DGKH: variants seen among roughly 807,000 people sequenced by gnomAD.
DGKH encodes the protein DAG kinase eta.
Under a neutral mutation model 159.3 loss-of-function variants are expected in DGKH, and 90 were observed. The ratio of observed to expected loss-of-function variants is 0.57; its 90% CI spans 0.48 to 0.67. The LOEUF (loss-of-function observed/expected upper bound fraction) is 0.67, where lower values mean the gene tolerates loss of function less well. Ranked by LOEUF, DGKH falls within the 30% of genes least tolerant of loss-of-function variation. The pLI is 0.00. For missense variants in DGKH, 1,181 were observed against 1,506.1 expected (o/e 0.78, Z 3.57); for synonymous variants, 536 against 553.8 (o/e 0.97, Z 0.45).
chr13:42,149,829 C>T (rs1955831388), intron 3 of DGKH, among the ~76,000 whole-genome samples: 1 of 152,108 alleles, frequency 6.6e-6, no homozygotes. Flanking sequence ...AAAGGGGAGA[C>T]CTTAGATAAA....
intron 16 of DGKH, 133 bp downstream of exon 16, chr13:42,190,658 C>A (rs896619813): frequency 4.1e-5 from 34 of 824,190 alleles, no homozygotes; most frequent in Non-Finnish European, 8.9e-6. Context: ...GAAGTTAAAG[C>A]TTAGATAAAT....
intron 26 of DGKH, among the ~76,000 whole-genome samples, chr13:42,217,405 A>AT (rs1034284640): frequency 4.7e-3 from 700 of 147,508 alleles, no homozygotes; most frequent in African/African-American, 0.015. Flanking sequence ...ATGCCTGGCA[A>AT]TTTTTTTTTT....
At chr13:42,145,241 A>G (rs1338360376) in intron 3 of DGKH, among the ~76,000 whole-genome samples, 1 of 152,224 alleles carries the variant, frequency 6.6e-6, no homozygotes, top group East Asian at 1.9e-4. Flanking sequence ...GTAGGTTTGT[A>G]CTTAAGAGAG....
chr13:42,194,748 G>A (rs1162932933), intron 16 of DGKH, 137 bp from the exon 17 acceptor site: 1 of 1,020,068 alleles, frequency 9.8e-7, no homozygotes, highest in East Asian at 2.8e-5. Context: ...TCAAGAAAAT[G>A]TAAACGATAG....
chr13:42,109,598 G>A (rs972319603), intron 1 of DGKH, among the ~76,000 whole-genome samples: 4 of 152,160 alleles, frequency 2.6e-5, no homozygotes, highest in Non-Finnish European at 5.9e-5. Context: ...AGGGATGCAA[G>A]AAAATGCTGT....
chr13:42,212,594 C>G (rs957527760), intron 24 of DGKH, among the ~76,000 whole-genome samples: 2 of 152,224 alleles, frequency 1.3e-5, no homozygotes, highest in African/African-American at 2.4e-5. Flanking sequence ...AGGCTTGCTT[C>G]TGGTCAACGT....
intron 29 of DGKH, among the ~76,000 whole-genome samples, chr13:42,224,029 TAATG>T (rs1958055314): frequency 1.3e-5 from 2 of 152,194 alleles, no homozygotes; most frequent in Non-Finnish European, 2.9e-5. Context: ...TCATTTAAGA[TAATG>T]ACCTCAAGTT....
rs142428153 is a variant in DGKH at position 42,155,993 on chromosome 13, A to G, written c.622+194A>G. Reference sequence around the variant, plus strand: ...AAATACAGCATTTCACCCCCAAGAAACTAGGAACTACTGTCTAAAAAAAAA... The same window carrying G: ...AAATACAGCATTTCACCCCCAAGAAGCTAGGAACTACTGTCTAAAAAAAAA... On this transcript the variant is annotated intron_variant, in intron 5 of 29. Coordinates refer to ENST00000337343, the MANE Select transcript of DGKH (RefSeq NM_178009.5). Among the ~76,000 whole-genome samples, 26 of 151,114 alleles carry G rather than the reference A, an allele frequency of 1.7e-4. 1 individual carries two copies. The East Asian group carries it at 4.8e-3, about 28-fold the overall frequency.
intron 1 of DGKH, among the ~76,000 whole-genome samples, chr13:42,097,481 T>C (rs1321436920): frequency 6.6e-6 from 1 of 152,192 alleles, no homozygotes; most frequent in African/African-American, 2.4e-5. Flanking sequence ...GTTATCAGCA[T>C]TTTTTAACTC....
chr13:42,068,892 C>A, intron 1 of DGKH: 2 of 1,006,894 alleles, frequency 2.0e-6, no homozygotes, highest in South Asian at 2.9e-5. Context: ...AGACAAAATA[C>A]ATTTCATAAG....
chr13:42,244,278 A>G (rs1047750680), downstream of DGKH, among the ~76,000 whole-genome samples: 2 of 152,106 alleles, frequency 1.3e-5, no homozygotes, highest in Non-Finnish European at 2.9e-5. Flanking sequence ...GGAACTTAGA[A>G]AAGGAGCCCC....
Position 42,206,159 on chromosome 13 carries a change from A to G in DGKH, c.2601+13A>G, listed in dbSNP as rs368454516. 4.6e-4 allele frequency: 637 copies of G among 1,373,542 alleles called. No individual in the cohort carries two copies. The highest frequency in any genetic ancestry group is 7.7e-4 in the Middle Eastern group (4 of 5,188). The allele number at this position is 1,373,542 out of a possible 1,614,324, so 85.1% of individuals were successfully genotyped here. ...TAAAGAGGATGATGTAAGTAATGGG[A>G]GTAAATAGTTTGTTTCCTCAAAAAT... On this transcript the variant is annotated intron_variant, in intron 21 of 29. Coordinates refer to ENST00000337343, the MANE Select transcript of DGKH (RefSeq NM_178009.5).
At chr13:42,247,380 G>A (rs554106337), downstream of DGKH, among the ~76,000 whole-genome samples, 3 of 151,856 alleles carry the variant, frequency 2.0e-5, no homozygotes, top group Non-Finnish European at 2.9e-5. Context: ...ACCAGTGTGC[G>A]CCACCATGCC....
At chr13:42,209,178 C>A in intron 22 of DGKH, 106 bp downstream of exon 22, 1 of 1,358,036 alleles carries the variant, frequency 7.4e-7, no homozygotes, top group Non-Finnish European at 1.0e-6. Flanking sequence ...AATATTCTGA[C>A]TTTGTTGTCA....
intron 1 of DGKH, among the ~76,000 whole-genome samples, chr13:42,074,879 G>T (rs1254757110): frequency 2.0e-5 from 3 of 152,284 alleles, no homozygotes; most frequent in African/African-American, 7.2e-5. Context: ...TGGAAAAATA[G>T]AATTGGAATT....
intron 1 of DGKH, among the ~76,000 whole-genome samples, chr13:42,076,014 T>C (rs1171471967): frequency 6.6e-6 from 1 of 152,228 alleles, no homozygotes; most frequent in East Asian, 1.9e-4. Context: ...AATGTGATTC[T>C]ACTTTCCATT....
In DGKH at chr13:42,155,730, C is replaced by A. The variant is rs1956027084; in HGVS notation, c.553C>A (p.Arg185=). Residue 185 remains arginine, a synonymous_variant, in exon 5 of 30, where the codon CGA becomes AGA. Transcript: ENST00000337343. ...CAACTGGTACGCCTGCTCCCACGCC[C>A]GACCCACCTTCTGTAACGTGTGCAG... ...MHNWYACSHA[R]PTFCNVCRES... 1.9e-6 allele frequency: 3 copies of A among 1,614,088 alleles called. No homozygotes were observed. Among genetic ancestry groups the A allele is most frequent in the Non-Finnish European group, 2.5e-6 (3 of 1,180,014 alleles).
intron 1 of DGKH, among the ~76,000 whole-genome samples, chr13:42,121,474 G>T (rs1270823116): frequency 6.6e-6 from 1 of 152,206 alleles, no homozygotes; most frequent in Admixed American, 6.5e-5. Flanking sequence ...AGGAGCATCT[G>T]TACTTACATA....
At chr13:42,053,412 CTATA>C (rs987270367) in intron 1 of DGKH, among the ~76,000 whole-genome samples, 1 of 146,202 alleles carries the variant, frequency 6.8e-6, no homozygotes, top group African/African-American at 2.5e-5. Flanking sequence ...ATATATATAA[CTATA>C]TATGTAACTC....
Sources: gnomAD v4.1 joint callset for allele counts (sites outside exome capture counted in the v4.1 genomes callset) on GRCh38, gnomAD v4.1.1 for gene constraint, MANE v1.5 for transcripts, NCBI Gene and HGNC (gene_info 2026-07-23, HGNC 2026-07-21) for gene names.